The following KSR2 variants were observed in gnomAD, a reference collection of about 807,000 sequenced individuals.
KSR2 encodes kinase suppressor of ras 2.
In KSR2, 25 loss-of-function variants were observed where a neutral mutation model predicts 107.8. The observed-to-expected ratio is 0.23, with a 90% CI of 0.17 to 0.32. The LOEUF (loss-of-function observed/expected upper bound fraction) is 0.32, where lower values mean the gene tolerates loss of function less well. Among genes scored for constraint, KSR2 ranks in the 10% least tolerant of loss-of-function variants. The probability of loss-of-function intolerance (pLI) is 1.00; values close to 1 mark genes in which losing one functional copy is unlikely to be tolerated. For missense variants in KSR2, 887 were observed against 1,268.9 expected (o/e 0.70, Z 4.57); for synonymous variants, 480 against 507.0 (o/e 0.95, Z 0.71).
chr12:117,674,434 G>C (rs1226449407), intron 4 of KSR2: 1 of 455,252 alleles, frequency 2.2e-6, no homozygotes, highest in African/African-American at 2.0e-5. Flanking sequence ...ATTCATATTG[G>C]AAGATCACAA....
At chr12:117,658,021 G>A (rs1311944246) in intron 5 of KSR2, among the ~76,000 whole-genome samples, 2 of 152,226 alleles carry the variant, frequency 1.3e-5, no homozygotes, top group African/African-American at 4.8e-5. Context: ...CTTTCCCAAG[G>A]AAACATTAAT....
intron 5 of KSR2, among the ~76,000 whole-genome samples, chr12:117,602,056 TAAA>T (rs1408833333): frequency 6.6e-6 from 1 of 152,224 alleles, no homozygotes; most frequent in Non-Finnish European, 1.5e-5. Flanking sequence ...TGTTTTCCAA[TAAA>T]ACTGCATTTA....
intron 4 of KSR2, among the ~76,000 whole-genome samples, chr12:117,696,517 G>T (rs568951315): frequency 9.2e-5 from 14 of 151,810 alleles, no homozygotes; most frequent in Admixed American, 5.9e-4. Context: ...GCACTGGTCG[G>T]GGGGAGTATC....
At chr12:117,478,424 T>C (rs1400511165) in intron 16 of KSR2, among the ~76,000 whole-genome samples, 1 of 152,068 alleles carries the variant, frequency 6.6e-6, no homozygotes, top group Non-Finnish European at 1.5e-5. Flanking sequence ...CTTTTCATTT[T>C]TTTTTTTTTT....
At chr12:117,498,470 G>C (rs1296711005) in intron 14 of KSR2, among the ~76,000 whole-genome samples, 1 of 152,176 alleles carries the variant, frequency 6.6e-6, no homozygotes, top group Non-Finnish European at 1.5e-5. Flanking sequence ...ACTGGCCCAG[G>C]GGAGGGGCTG....
At chr12:117,601,966 C>T (rs890625042) in intron 5 of KSR2, among the ~76,000 whole-genome samples, 1 of 152,166 alleles carries the variant, frequency 6.6e-6, no homozygotes, top group African/African-American at 2.4e-5. Context: ...GCGGCCTATA[C>T]AGTCTCCGTC....
chr12:117,514,881 C>T (rs1203069528), intron 14 of KSR2, among the ~76,000 whole-genome samples: 2 of 152,134 alleles, frequency 1.3e-5, no homozygotes, highest in African/African-American at 4.8e-5. Flanking sequence ...TTGCTACTCC[C>T]CGTATATATC....
At chr12:117,841,552 G>A (rs963149381) in intron 3 of KSR2, among the ~76,000 whole-genome samples, 1 of 152,192 alleles carries the variant, frequency 6.6e-6, no homozygotes, top group Non-Finnish European at 1.5e-5. Flanking sequence ...TTTACATGCA[G>A]CCTTTAAATA....
chr12:117,483,716 A>G (rs911736541), intron 16 of KSR2, among the ~76,000 whole-genome samples: 5 of 152,200 alleles, frequency 3.3e-5, no homozygotes, highest in Non-Finnish European at 5.9e-5. Flanking sequence ...TAATTACTTA[A>G]TGATGGTTAA....
intron 4 of KSR2, among the ~76,000 whole-genome samples, chr12:117,720,610 C>A (rs1346888121): frequency 1.3e-5 from 2 of 152,206 alleles, no homozygotes; most frequent in African/African-American, 4.8e-5. Flanking sequence ...GTGTGCCAGG[C>A]AATGATAAGC....
Position 117,574,913 on chromosome 12 carries a change from AT to A in KSR2, c.1325+4205del, listed in dbSNP as rs373509562. On this transcript the variant is annotated intron_variant, in intron 7 of 19. Coordinates refer to ENST00000339824, the MANE Select transcript of KSR2 (RefSeq NM_173598.6). ...GGGTGAAAAAAAAAAAAAAAAAAAAATCACTCCCTCCAGGGAAGGATCAAAT... is the reference window on the plus strand; with the variant it reads ...GGGTGAAAAAAAAAAAAAAAAAAAAACACTCCCTCCAGGGAAGGATCAAAT... 2.4e-3 allele frequency among the ~76,000 whole-genome samples: 344 copies of A among 144,160 alleles called. 11 individuals carry two copies. In the East Asian group the frequency reaches 0.032, roughly 13 times the overall value. 94.6% of individuals were successfully genotyped at this position (144,160 alleles called of 152,430 possible).
At chr12:117,961,023 TC>T (rs1319324176) in intron 1 of KSR2, among the ~76,000 whole-genome samples, 1 of 152,134 alleles carries the variant, frequency 6.6e-6, no homozygotes, top group Non-Finnish European at 1.5e-5. Context: ...GGTCTTGAAC[TC>T]CTGGGTTCAA....
chr12:117,759,052 A>G (rs1468228001), intron 4 of KSR2, among the ~76,000 whole-genome samples: 1 of 152,190 alleles, frequency 6.6e-6, no homozygotes, highest in Non-Finnish European at 1.5e-5. Context: ...AAAAGCATCT[A>G]TCCTCTGCTT....
At chr12:117,932,562 C>A (rs1895723245) in intron 1 of KSR2, among the ~76,000 whole-genome samples, 2 of 151,938 alleles carry the variant, frequency 1.3e-5, no homozygotes. Flanking sequence ...CAAAAAAATA[C>A]AAAAAAAGTA....
intron 3 of KSR2, among the ~76,000 whole-genome samples, chr12:117,784,030 T>G (rs1889975093): frequency 6.6e-6 from 1 of 152,166 alleles, no homozygotes; most frequent in Admixed American, 6.5e-5. Context: ...CATGAGAATT[T>G]TTTTTAATTT....
intron 4 of KSR2, among the ~76,000 whole-genome samples, chr12:117,698,823 T>C (rs1388460018): frequency 6.6e-6 from 1 of 152,204 alleles, no homozygotes; most frequent in Admixed American, 6.5e-5. Context: ...TATTTCTTCT[T>C]GTTTATTCAT....
intron 1 of KSR2, among the ~76,000 whole-genome samples, chr12:117,936,266 G>A (rs1202491377): frequency 2.6e-5 from 4 of 151,992 alleles, no homozygotes; most frequent in African/African-American, 9.7e-5. Context: ...GAGTTCAAGC[G>A]ATCTGCCTGC....
chr12:117,830,686 G>C (rs1891930296), intron 3 of KSR2, among the ~76,000 whole-genome samples: 1 of 152,158 alleles, frequency 6.6e-6, no homozygotes, highest in African/African-American at 2.4e-5. Flanking sequence ...TCAAGCCCTT[G>C]AGGCAGACGT....
At chr12:117,584,175 G>A (rs142999834) in intron 5 of KSR2, among the ~76,000 whole-genome samples, 50 of 152,238 alleles carry the variant, frequency 3.3e-4, no homozygotes, top group African/African-American at 9.9e-4. Flanking sequence ...ATTATAGCCC[G>A]TGGGATTCCT....
Sources: allele counts gnomAD v4.1 joint callset (sites outside exome capture counted in the v4.1 genomes callset), GRCh38; gene constraint gnomAD v4.1.1; transcripts MANE v1.5; gene names NCBI Gene and HGNC (gene_info 2026-07-23, HGNC 2026-07-21).